Variants in DAB1 observed in about 807,000 individuals in gnomAD.
DAB1 encodes disabled homolog 1.
In DAB1, 15 loss-of-function variants were observed where a neutral mutation model predicts 64.6. The observed-to-expected ratio is 0.23, with a 90% CI of 0.16 to 0.36. DAB1 has a LOEUF of 0.36. DAB1 is among the 10% of genes least tolerant of loss of function. The pLI is 1.00. For missense variants in DAB1, 596 were observed against 706.7 expected (o/e 0.84, Z 1.78); for synonymous variants, 235 against 251.9 (o/e 0.93, Z 0.64).
intron 4 of DAB1, among the ~76,000 whole-genome samples, chr1:58,309,641 C>T (rs1157625204): frequency 6.6e-6 from 1 of 152,142 alleles, no homozygotes; most frequent in Non-Finnish European, 1.5e-5. Context: ...TGTTACCTTC[C>T]ATCTTCTAGG....
chr1:58,157,856 T>A (rs1655302174), intron 4 of DAB1, among the ~76,000 whole-genome samples: 1 of 152,152 alleles, frequency 6.6e-6, no homozygotes, highest in Admixed American at 6.5e-5. Flanking sequence ...TTGAGAATAT[T>A]TATTAAATGC....
intron 4 of DAB1, among the ~76,000 whole-genome samples, chr1:57,129,224 C>T (rs1046623247): frequency 6.6e-6 from 1 of 152,116 alleles, no homozygotes; most frequent in African/African-American, 2.4e-5. Context: ...ATCCCTTTTC[C>T]CCTGTCATGA....
chr1:58,106,701 G>T (rs1651661019), intron 5 of DAB1, among the ~76,000 whole-genome samples: 1 of 152,114 alleles, frequency 6.6e-6, no homozygotes, highest in African/African-American at 2.4e-5. Flanking sequence ...GGCCAGCCTT[G>T]AACTAAGCCA....
At chr1:57,603,035 C>T (rs189798817) in intron 7 of DAB1, among the ~76,000 whole-genome samples, 14 of 152,296 alleles carry the variant, frequency 9.2e-5, no homozygotes, top group Admixed American at 4.6e-4. Flanking sequence ...TGCAATGGCA[C>T]GATCTCGGCT....
chr1:57,145,229 C>A lies in DAB1; in HGVS notation c.207+61G>T, dbSNP rs1008717528. ...AGTTATTTACAATTATGATGGTAATCACTTCTTTTCCTCATTCACATTAAA... is the reference window on the plus strand; with the variant it reads ...AGTTATTTACAATTATGATGGTAATAACTTCTTTTCCTCATTCACATTAAA... On this transcript the variant is annotated intron_variant, in intron 3 of 14. Transcript: ENST00000371236. 3 of 1,504,122 alleles carry A rather than the reference C, an allele frequency of 2.0e-6. No individual in the cohort carries two copies. In the African/African-American group the frequency reaches 4.1e-5, roughly 21 times the overall value. 93.2% of individuals were successfully genotyped at this position (1,504,122 alleles called of 1,614,324 possible).
rs1776190 is a variant in DAB1 at position 58,108,151 on chromosome 1, G to A, written n.387+42360C>T. ...GGGAGCCCTGGCGGGATTTTCAGCA[G>A]AAGGTAAAACTCTCAGATTTGAGCT... On this transcript the variant is annotated intron_variant and non_coding_transcript_variant, in intron 5 of 20. Transcript: ENST00000485760. Among the ~76,000 whole-genome samples the A allele has an allele frequency of 6.8e-3, 1,031 of 152,304 alleles. 18 individuals are homozygous for A. Among genetic ancestry groups the A allele is most frequent in the African/African-American group, 0.024 (985 of 41,576 alleles).
chr1:57,684,882 A>G lies in DAB1; in HGVS notation n.552-35217T>C, dbSNP rs191037750. Among the ~76,000 whole-genome samples, 353 of 152,324 alleles carry G rather than the reference A, an allele frequency of 2.3e-3. 3 individuals are homozygous for G. The highest frequency in any genetic ancestry group is 8.3e-3 in the African/African-American group (345 of 41,578). On this transcript the variant is annotated intron_variant and non_coding_transcript_variant, in intron 6 of 20. Transcript: ENST00000485760. ...CCCATGTAATTATACCCACAGGCTC[A>G]AAGTAAAAAGGTGGAGAAAGATCTA...
intron 5 of DAB1, among the ~76,000 whole-genome samples, chr1:58,133,439 T>C (rs1653760778): frequency 6.6e-6 from 1 of 152,182 alleles, no homozygotes; most frequent in African/African-American, 2.4e-5. Flanking sequence ...GGGTTATCTT[T>C]CATAATCTCT....
rs141923939 is a variant in DAB1 at position 58,279,900 on chromosome 1, C to A, written n.309+63452G>T. 5.3e-5 allele frequency among the ~76,000 whole-genome samples: 8 copies of A among 152,076 alleles called. No individual in the cohort carries two copies. The South Asian group carries it at 1.0e-3, about 20-fold the overall frequency. On this transcript the variant is annotated intron_variant and non_coding_transcript_variant, in intron 4 of 20. Coordinates refer to the DAB1 transcript ENST00000485760. Reference sequence around the variant, plus strand: ...GAGCCTTTGCCGTGACTTTGCAGATCGGCTCCATTGAGCTCTCATAGAAAC... The same window carrying A: ...GAGCCTTTGCCGTGACTTTGCAGATAGGCTCCATTGAGCTCTCATAGAAAC...
At chr1:57,320,819 T>A (rs778659157) in intron 1 of DAB1, among the ~76,000 whole-genome samples, 2 of 152,170 alleles carry the variant, frequency 1.3e-5, no homozygotes, top group Non-Finnish European at 2.9e-5. Context: ...ATTACTACTA[T>A]CTCCACTTTA....
chr1:57,136,584 T>C lies in DAB1; in HGVS notation c.265A>G (p.Ile89Val), dbSNP rs565043718. 6 of 1,545,812 alleles carry C rather than the reference T, an allele frequency of 3.9e-6. No individual in the cohort carries two copies. The Admixed American group carries it at 6.9e-5, about 18-fold the overall frequency. Residue 89 changes from isoleucine to valine, a missense_variant, in exon 4 of 15, where the codon ATC becomes GTC. Coordinates refer to ENST00000371236, the MANE Select transcript of DAB1 (RefSeq NM_001365792.1). ...GEHKQKIFLT[I>V]SFGGIKIFDE... ...AAGATTTTGATTCCTCCAAAGGAGA[T>C]GGTTAAAAAGATTTTCTGTTTGTGT... is the stretch of plus-strand genomic sequence containing the variant.
intron 3 of DAB1, among the ~76,000 whole-genome samples, chr1:58,401,761 C>G (rs181402307): frequency 6.6e-6 from 1 of 152,184 alleles, no homozygotes; most frequent in South Asian, 2.1e-4. Flanking sequence ...TTCACAGCTT[C>G]TGAAACAATT....
chr1:58,204,738 T>C (rs879475674), intron 4 of DAB1, among the ~76,000 whole-genome samples: 16 of 152,242 alleles, frequency 1.1e-4, no homozygotes, highest in Non-Finnish European at 1.8e-4. Context: ...TCCAGCCTGC[T>C]GTATGTGCAG....
intron 2 of DAB1, among the ~76,000 whole-genome samples, chr1:57,225,187 T>G (rs1667169450): frequency 6.6e-6 from 1 of 152,206 alleles, no homozygotes; most frequent in African/African-American, 2.4e-5. Context: ...CAGGGAATTC[T>G]ACAATCAGAA....
rs370777608 is a variant in DAB1, at chr1:57,271,773, C to T, written c.67+19191G>A. 5.9e-5 allele frequency among the ~76,000 whole-genome samples: 9 copies of T among 152,306 alleles called. No homozygotes were observed. The East Asian group carries it at 1.7e-3, about 29-fold the overall frequency. ...GGCTGATTTTTGTTTGGTAGTTGTA[C>T]CTGTTCAGTACGTGCCTCACCCTTC... On this transcript the variant is annotated intron_variant, in intron 2 of 14. Coordinates refer to ENST00000371236, the MANE Select transcript of DAB1 (RefSeq NM_001365792.1).
At chr1:58,050,997 T>C (rs1647614542) in intron 5 of DAB1, among the ~76,000 whole-genome samples, 1 of 152,210 alleles carries the variant, frequency 6.6e-6, no homozygotes, top group South Asian at 2.1e-4. Context: ...TACTCCATTT[T>C]GTATTGCTAT....
chr1:58,318,522 T>A (rs901133764), intron 4 of DAB1, among the ~76,000 whole-genome samples: 1 of 152,208 alleles, frequency 6.6e-6, no homozygotes, highest in Non-Finnish European at 1.5e-5. Context: ...TTCAGGCACA[T>A]AGAGTCACCA....
At position 57,033,669 on chromosome 1, in the gene DAB1, C is replaced by A. The variant is rs1647036723; in HGVS notation, c.724-7626G>T. The A allele has an allele frequency of 2.4e-6, 3 of 1,226,988 alleles. No homozygotes were observed. The Admixed American group carries it at 5.9e-5, about 24-fold the overall frequency. The allele number at this position is 1,226,988 out of a possible 1,614,324, so 76.0% of individuals were successfully genotyped here. A position where few individuals can be genotyped will look rare whatever the true frequency, so the allele number is the denominator to read the frequency against. On this transcript the variant is annotated intron_variant, in intron 9 of 14. Coordinates refer to ENST00000371236, the MANE Select transcript of DAB1 (RefSeq NM_001365792.1). ...ATGATGACAGTATCTATGGTTCACA[C>A]TTCCGTGGTCTCAGTAGGCGGGAGC...
chr1:57,125,685 T>C (rs1203419508), intron 4 of DAB1, among the ~76,000 whole-genome samples: 1 of 152,116 alleles, frequency 6.6e-6, no homozygotes, highest in African/African-American at 2.4e-5. Context: ...TTTAACACAT[T>C]ATACACAAGC....
Sources: allele counts gnomAD v4.1 joint callset (sites outside exome capture counted in the v4.1 genomes callset), GRCh38; gene constraint gnomAD v4.1.1; transcripts MANE v1.5; gene names NCBI Gene and HGNC (gene_info 2026-07-23, HGNC 2026-07-21).